Variants in PIEZO1 observed in about 807,000 individuals in gnomAD.
The protein encoded by PIEZO1 is piezo type mechanosensitive ion channel component 1 (Er blood group).
In PIEZO1, 296 loss-of-function variants were observed where a neutral mutation model predicts 297.2. That is an observed-to-expected ratio of 1.00 (90% CI 0.91 to 1.10). The LOEUF (loss-of-function observed/expected upper bound fraction) is 1.10, where lower values mean the gene tolerates loss of function less well. Among genes scored for constraint, PIEZO1 ranks in the 50% least tolerant of loss-of-function variants. PIEZO1 has a pLI of 0.00. For missense variants in PIEZO1, 5,018 were observed against 3,455.5 expected, an observed-to-expected ratio of 1.45 and a Z score of -11.34; for synonymous variants, 2,427 against 1,507.5, an observed-to-expected ratio of 1.61 and a Z score of -14.13.
intron 30 of PIEZO1, among the ~76,000 whole-genome samples, chr16:88,724,510 G>A (rs530395404): frequency 4.6e-4 from 66 of 144,634 alleles, no homozygotes; most frequent in African/African-American, 1.4e-3. Context: ...TAGCCTGGGC[G>A]ACAGGGCAAG....
At position 88,720,278 on chromosome 16, in the gene PIEZO1, G is replaced by C; in HGVS notation, c.5955C>G (p.His1985Gln). 2 of 1,550,378 alleles carry C rather than the reference G, an allele frequency of 1.3e-6. No homozygotes were observed. The highest frequency in any genetic ancestry group is 1.4e-5 in the African/African-American group (1 of 73,166). Residue 1985 changes from histidine to glutamine, a missense_variant, in exon 42 of 51, where the codon CAC becomes CAG. Transcript: ENST00000301015. ...AGGACGTGATGTCTGTGGCCGCCGA[G>C]TGCTTCTGTGGCCAGGAGAGCACAG... The part of the protein sequence containing the change: ...IIFGFWAFGK[H>Q]SAATDITSSL...
Position 88,784,993 on chromosome 16 carries a change from C to T in PIEZO1, c.-29G>A. ...TGGAGGGCCCAGGGCCCGGCCCAGA[C>T]CGAGCGGACGCCGCGGCGCTATGGG... is the stretch of plus-strand genomic sequence containing the variant. On this transcript the variant is annotated 5_prime_UTR_variant, in exon 1 of 51. Transcript: ENST00000301015. 1 of 1,227,530 alleles carries T rather than the reference C, an allele frequency of 8.1e-7. No homozygotes were observed. The highest frequency in any genetic ancestry group is 1.0e-6 in the Non-Finnish European group (1 of 979,814). 76.0% of individuals were successfully genotyped at this position (1,227,530 alleles called of 1,614,324 possible).
chr16:88,716,528 A>T (rs763707151), intron 47 of PIEZO1, 31 bp downstream of exon 47: 7 of 1,536,006 alleles, frequency 4.6e-6, no homozygotes, highest in Admixed American at 2.0e-5. Flanking sequence ...GGGTCCACCC[A>T]CCCAGGCACT....
At chr16:88,732,585 G>T in intron 20 of PIEZO1, 22 bp downstream of exon 20, 2 of 1,544,006 alleles carry the variant, frequency 1.3e-6, no homozygotes, top group South Asian at 1.2e-5. Context: ...CCGCCCAGCC[G>T]CCCACCAGCC....
At position 88,717,068 on chromosome 16, in the gene PIEZO1, G is replaced by A. The variant is rs1330484418; in HGVS notation, c.6615C>T (p.Asn2205=). ...GGGTGACGGTGACATCGATGGGCTG[G>A]TTGACAACCCCAACCACGGAGCGCA... is the stretch of plus-strand genomic sequence containing the variant. The part of the protein sequence containing the change: ...SLVRSVVGVV[N]QPIDVTVTLK... Residue 2205 remains asparagine (N), a synonymous_variant, in exon 45 of 51, where the codon AAC becomes AAT. Coordinates refer to ENST00000301015, the MANE Select transcript of PIEZO1 (RefSeq NM_001142864.4). 1.9e-6 allele frequency: 3 copies of A among 1,550,868 alleles called. No individual in the cohort carries two copies. Among genetic ancestry groups the A allele is most frequent in the Admixed American group, 3.9e-5 (2 of 50,994 alleles).
chr16:88,737,971 G>A lies in PIEZO1; in HGVS notation c.983C>T (p.Ser328Phe), dbSNP rs1905358190. 3 of 1,533,704 alleles carry A rather than the reference G, an allele frequency of 2.0e-6. No individual in the cohort carries two copies. In the South Asian group the frequency reaches 3.6e-5, roughly 18 times the overall value. Residue 328 changes from serine to phenylalanine, a missense_variant, in exon 8 of 51, where the codon TCT becomes TTT. Physicochemically the swap from Ser to Phe is radical, Grantham distance 155. Coordinates refer to ENST00000301015, the MANE Select transcript of PIEZO1 (RefSeq NM_001142864.4). ...VLLLLCYATA[S>F]LRKLRAYRPS... ...GCGGTACGCGCGGAGCTTGCGCAGA[G>A]AGGCCGTGGCGTAGCACAGCAGCAG...
In PIEZO1 at chr16:88,741,235, G is replaced by A. The variant is rs2242165; in HGVS notation, c.465+243C>T. 91,427 of 461,376 alleles carry A rather than the reference G, an allele frequency of 0.2. 11,081 individuals are homozygous for A. The highest frequency in any genetic ancestry group is 0.5 in the East Asian group (12,389 of 24,884). The allele number at this position is 461,376 out of a possible 1,614,324, so 28.6% of individuals were successfully genotyped here. A position where few individuals can be genotyped will look rare whatever the true frequency, so the allele number is the denominator to read the frequency against. On this transcript the variant is annotated intron_variant, in intron 5 of 50. Transcript: ENST00000301015. Reference sequence around the variant, plus strand: ...CCTGTGAAGAGTTCCTAAGGGCACAGATGCCATGTCGGGGCGTGGAGGTTT... The same window carrying A: ...CCTGTGAAGAGTTCCTAAGGGCACAAATGCCATGTCGGGGCGTGGAGGTTT...
At position 88,732,419 on chromosome 16, in the gene PIEZO1, G is replaced by T. The variant is rs754595848; in HGVS notation, c.2907C>A (p.Ser969Arg). 2.6e-6 allele frequency: 4 copies of T among 1,549,730 alleles called. No homozygotes were observed. The highest frequency in any genetic ancestry group is 3.5e-6 in the Non-Finnish European group (4 of 1,146,524). ...CCTGGTCCAGCTGCTGGCGGGTGCC[G>T]CTGGCAAACACGGCCTGGGCAGGCA... ...APLPAQAVFA[S>R]GTRQQLDQDL... The change falls in exon 21 of 51, where the codon AGC (serine) becomes AGA (arginine). Residue 969 changes from serine to arginine, a missense_variant. Physicochemically the swap from Ser to Arg is moderately radical, Grantham distance 110 (BLOSUM62 -1). Coordinates refer to ENST00000301015, the MANE Select transcript of PIEZO1 (RefSeq NM_001142864.4).
Position 88,771,189 on chromosome 16 carries a change from G to A in PIEZO1, c.64+13712C>T, listed in dbSNP as rs114914988. Among the ~76,000 whole-genome samples the A allele has an allele frequency of 3.3e-3, 504 of 152,324 alleles. 3 individuals carry two copies. Among genetic ancestry groups the A allele is most frequent in the African/African-American group, 0.012 (481 of 41,580 alleles). ...AGGCCCCACAGAGCGACCGCTACTG[G>A]CACCGGGCCCAGCCTTGCAGGAACT... is the stretch of plus-strand genomic sequence containing the variant. On this transcript the variant is annotated intron_variant, in intron 1 of 50. Coordinates refer to ENST00000301015, the MANE Select transcript of PIEZO1 (RefSeq NM_001142864.4).
intron 1 of PIEZO1, among the ~76,000 whole-genome samples, chr16:88,751,273 C>A (rs932577409): frequency 1.3e-5 from 2 of 152,214 alleles, no homozygotes; most frequent in African/African-American, 4.8e-5. Context: ...GAGGCCGGGC[C>A]TTTCACAGCC....
Position 88,784,923 on chromosome 16 carries a change from C to T in PIEZO1, c.42G>A (p.Leu14=). 1 of 1,436,998 alleles carries T rather than the reference C, an allele frequency of 7.0e-7. No individual in the cohort carries two copies. Among genetic ancestry groups the T allele is most frequent in the East Asian group, 3.2e-5 (1 of 31,170 alleles). 89.0% of individuals were successfully genotyped at this position (1,436,998 alleles called of 1,614,324 possible). The stretch of plus-strand genomic sequence containing the variant: ...CACCAGCCAGCAGCGCGCAGGGCAG[C>T]AGCAGCCAGTACAGGACCGCGCCGA... The part of the protein sequence containing the change: ...HVLGAVLYWL[L]LPCALLAACL... Residue 14 remains leucine, a synonymous_variant, in exon 1 of 51, where the codon CTG becomes CTA. Transcript: ENST00000301015.
At chr16:88,746,165 C>G (rs74033389) in intron 2 of PIEZO1, among the ~76,000 whole-genome samples, 1 of 152,090 alleles carries the variant, frequency 6.6e-6, no homozygotes, top group African/African-American at 2.4e-5. Context: ...GGCTGAGCTG[C>G]GGGGTAGGGC....
chr16:88,743,411 G>A (rs980739000), intron 2 of PIEZO1: 1 of 442,872 alleles, frequency 2.3e-6, no homozygotes, highest in Admixed American at 2.4e-5. Flanking sequence ...AGCAACTCCT[G>A]CACCACCAGC....
Position 88,737,767 on chromosome 16 carries a change from TGCTAGCTCCAGCTCC to T in PIEZO1, c.1053_1067del (p.Glu354_Leu358del). On this transcript the variant is annotated inframe_deletion, in exon 9 of 51. Coordinates refer to ENST00000301015, the MANE Select transcript of PIEZO1 (RefSeq NM_001142864.4). ...GTTCCTGGGGCCACTGGTCCAGCTCTGCTAGCTCCAGCTCCCGAGCCTCATACCCCTTTGCCGCCT... is the reference window on the plus strand; with the variant it reads ...GTTCCTGGGGCCACTGGTCCAGCTCTCGAGCCTCATACCCCTTTGCCGCCT... 6.5e-7 allele frequency: 1 copy of T among 1,535,744 alleles called. No homozygotes were observed. The highest frequency in any genetic ancestry group is 8.7e-7 in the Non-Finnish European group (1 of 1,146,714).
intron 44 of PIEZO1, chr16:88,717,696 T>G (rs1383692557): frequency 2.3e-6 from 1 of 437,006 alleles, no homozygotes; most frequent in Non-Finnish European, 4.6e-6. Context: ...CAAGAAAATT[T>G]AAGAGACAGT....
In PIEZO1 at chr16:88,742,111, G is replaced by C; in HGVS notation, c.284-16C>G. On this transcript the variant is annotated splice_polypyrimidine_tract_variant and intron_variant, in intron 3 of 50. Coordinates refer to ENST00000301015, the MANE Select transcript of PIEZO1 (RefSeq NM_001142864.4). ...CAGCGGCTGCCTGCAGAGAAAGACG[G>C]GGGAACCCAGGTCAGGCTCTGCCCA... is the stretch of plus-strand genomic sequence containing the variant. 6.5e-7 allele frequency: 1 copy of C among 1,535,774 alleles called. No individual in the cohort carries two copies. Among genetic ancestry groups the C allele is most frequent in the Non-Finnish European group, 8.7e-7 (1 of 1,146,702 alleles).
Position 88,732,397 on chromosome 16 carries a change from G to C in PIEZO1, c.2929C>G (p.Gln977Glu). 6.5e-7 allele frequency: 1 copy of C among 1,549,828 alleles called. No individual in the cohort carries two copies. Among genetic ancestry groups the C allele is most frequent in the Non-Finnish European group, 8.7e-7 (1 of 1,146,564 alleles). The change falls in exon 21 of 51, where the codon CAG becomes GAG. Residue 977 changes from glutamine to glutamate, a missense_variant. Physicochemically the swap from Gln to Glu is conservative, Grantham distance 29. Coordinates refer to ENST00000301015, the MANE Select transcript of PIEZO1 (RefSeq NM_001142864.4). ...TACTTGAGGCAGCCGAGCAGATCCT[G>C]GTCCAGCTGCTGGCGGGTGCCGCTG... ...FASGTRQQLD[Q>E]DLLGCLKYFI...
chr16:88,716,537 C>T, intron 47 of PIEZO1, 22 bp downstream of exon 47: 9 of 1,537,590 alleles, frequency 5.9e-6, no homozygotes, highest in African/African-American at 1.4e-5. Flanking sequence ...CACCCAGGCA[C>T]TGCCCCAAGT....
chr16:88,724,166 C>T (rs978446299), intron 30 of PIEZO1, among the ~76,000 whole-genome samples, 195 bp from the exon 31 acceptor site: 6 of 152,194 alleles, frequency 3.9e-5, no homozygotes, highest in Admixed American at 1.3e-4. Flanking sequence ...GCAGAGCCAG[C>T]GCGGGCTGGG....
Sources: allele counts gnomAD v4.1 joint callset (sites outside exome capture counted in the v4.1 genomes callset), GRCh38; gene constraint gnomAD v4.1.1; transcripts MANE v1.5; gene names NCBI Gene and HGNC (gene_info 2026-07-23, HGNC 2026-07-21).